The following PRKX variants were observed in gnomAD, a reference collection of about 807,000 sequenced individuals.
The protein encoded by PRKX is cAMP-dependent protein kinase catalytic subunit PRKX.
PRKX carries 12 observed loss-of-function variants against 22.0 expected under a neutral mutation model. The observed-to-expected ratio is 0.54, with a 90% CI of 0.35 to 0.88. PRKX has a LOEUF of 0.88. PRKX is among the 40% of genes least tolerant of loss of function. The pLI is 0.01. For synonymous variants in PRKX, 134 were observed against 137.7 expected (o/e 0.97, Z 0.19); for missense variants, 217 against 308.0 (o/e 0.70, Z 2.21).
At position 3,655,226 on chromosome X, in the gene PRKX, C is replaced by T; in HGVS notation, c.522G>A (p.Lys174=). 1 of 1,212,080 alleles carries T rather than the reference C, an allele frequency of 8.3e-7. No homozygotes were observed. Among genetic ancestry groups the T allele is most frequent in the Non-Finnish European group, 1.1e-6 (1 of 895,569 alleles). Residue 174 remains lysine (K), a synonymous_variant, in exon 3 of 9, where the codon AAG becomes AAA. Transcript: ENST00000262848. Reference sequence around the variant, plus strand: ...CCCTATCCAGCAGGATGTTCTCTGGCTTCAAGTCCCTGTAGACGATCTCTT... The same window carrying T: ...CCCTATCCAGCAGGATGTTCTCTGGTTTCAAGTCCCTGTAGACGATCTCTT... ...HSKEIVYRDL[K]PENILLDRDG... is the part of the protein sequence containing the mutation.
intron 8 of PRKX, among the ~76,000 whole-genome samples, chrX:3,610,652 C>T (rs1034455029): frequency 9.1e-6 from 1 of 110,095 alleles, no homozygotes; most frequent in Non-Finnish European, 1.9e-5. Flanking sequence ...AAAGTAGGGG[C>T]AGCTGGGGAC....
At chrX:3,694,019 C>A (rs1395108172) in intron 1 of PRKX, among the ~76,000 whole-genome samples, 1 of 108,847 alleles carries the variant, frequency 9.2e-6, no homozygotes, top group Admixed American at 1.0e-4. Flanking sequence ...ATAAGGCCAT[C>A]CTGGATTTAG....
rs1926205520 is a variant in PRKX, at chrX:3,607,647, T to C, written c.*1322A>G. ...GGTCACTGATGAAAAAGGGTGGCTA[T>C]GTTCTGTTTCTGTAATTTCACTGTT... On this transcript the variant is annotated 3_prime_UTR_variant, in exon 9 of 9. Coordinates refer to ENST00000262848, the MANE Select transcript of PRKX (RefSeq NM_005044.5). 9.0e-6 allele frequency: 1 copy of C among 110,926 alleles called. No individual in the cohort carries two copies. 9.1% of individuals were successfully genotyped at this position (110,926 alleles called of 1,213,427 possible). A position where few individuals can be genotyped will look rare whatever the true frequency, so the allele number is the denominator to read the frequency against.
At chrX:3,689,704 G>C in intron 1 of PRKX, among the ~76,000 whole-genome samples, 1 of 111,487 alleles carries the variant, frequency 9.0e-6, no homozygotes. Flanking sequence ...TGGGCTGGGC[G>C]CGGTGGCTCA....
intron 1 of PRKX, among the ~76,000 whole-genome samples, chrX:3,689,954 G>A (rs1002028573): frequency 1.8e-5 from 2 of 111,219 alleles, no homozygotes; most frequent in East Asian, 2.8e-4. Context: ...TCCAGCCTGC[G>A]TGACAGAGCA....
intron 8 of PRKX, among the ~76,000 whole-genome samples, chrX:3,610,179 G>A (rs937560568): frequency 9.8e-5 from 11 of 111,716 alleles, no homozygotes; most frequent in African/African-American, 3.6e-4. Context: ...TTACTAAGAC[G>A]GATTAAAATA....
intron 1 of PRKX, among the ~76,000 whole-genome samples, chrX:3,679,032 T>C (rs750795017): frequency 6.3e-5 from 7 of 111,923 alleles, no homozygotes; most frequent in Non-Finnish European, 1.1e-4. Flanking sequence ...AGTAGTGTTA[T>C]GCACGAGGGA....
chrX:3,711,122 T>C (rs1167228312), intron 1 of PRKX, among the ~76,000 whole-genome samples: 1 of 111,407 alleles, frequency 9.0e-6, no homozygotes, highest in African/African-American at 3.3e-5. Flanking sequence ...ACCAAAGCTG[T>C]GCAGTTGTCA....
chrX:3,638,295 A>G (rs1926937649), intron 4 of PRKX, among the ~76,000 whole-genome samples: 2 of 110,314 alleles, frequency 1.8e-5, no homozygotes, highest in East Asian at 2.8e-4. Context: ...TGTTTTAACT[A>G]TAGTCTAATA....
intron 2 of PRKX, among the ~76,000 whole-genome samples, chrX:3,658,154 C>A (rs951162289): frequency 1.1e-4 from 12 of 110,674 alleles, no homozygotes; most frequent in African/African-American, 4.0e-4. Flanking sequence ...CCACGCCCAG[C>A]TAATTTTTGT....
intron 1 of PRKX, among the ~76,000 whole-genome samples, chrX:3,691,856 G>GATTA (rs1480209445): frequency 9.1e-6 from 1 of 110,079 alleles, no homozygotes; most frequent in Non-Finnish European, 1.9e-5. Flanking sequence ...AAAGATGATT[G>GATTA]ATTGATTGAA....
intron 4 of PRKX, among the ~76,000 whole-genome samples, chrX:3,631,704 AGAG>A (rs1926785611): frequency 9.0e-6 from 1 of 111,245 alleles, no homozygotes; most frequent in Non-Finnish European, 1.9e-5. Flanking sequence ...AAGAGACTGA[AGAG>A]GAGACAGAGA....
chrX:3,650,382 G>A (rs764522718), intron 3 of PRKX, among the ~76,000 whole-genome samples: 133 of 106,810 alleles, frequency 1.2e-3, no homozygotes, highest in African/African-American at 3.9e-3. Context: ...TTAGCCGGGC[G>A]TGGTGGTGGG....
chrX:3,681,384 G>C (rs1163288721), intron 1 of PRKX, among the ~76,000 whole-genome samples: 1 of 110,487 alleles, frequency 9.1e-6, no homozygotes, highest in Admixed American at 9.7e-5. Flanking sequence ...GGGCACAGTA[G>C]CTCACACCTG....
chrX:3,693,109 A>G (rs1928367535), intron 1 of PRKX, among the ~76,000 whole-genome samples: 1 of 110,029 alleles, frequency 9.1e-6, no homozygotes, highest in African/African-American at 3.3e-5. Context: ...TTGGTCCCTC[A>G]TTTAGTTTTG....
At chrX:3,700,807 A>G (rs757167575) in intron 1 of PRKX, among the ~76,000 whole-genome samples, 5 of 110,575 alleles carry the variant, frequency 4.5e-5, no homozygotes, top group African/African-American at 1.3e-4. Context: ...TGCCGAGGCT[A>G]GAGGCTAGTC....
chrX:3,712,820 G>A (rs907308749), intron 1 of PRKX, among the ~76,000 whole-genome samples: 3 of 112,689 alleles, frequency 2.7e-5, no homozygotes, highest in African/African-American at 9.7e-5. Flanking sequence ...TGTGCTGGGG[G>A]TGGAGGGTGG....
chrX:3,689,796 T>C (rs1053608427), intron 1 of PRKX, among the ~76,000 whole-genome samples: 1 of 111,123 alleles, frequency 9.0e-6, no homozygotes. Flanking sequence ...GCTAACACGG[T>C]GAAACCCTGT....
intron 3 of PRKX, among the ~76,000 whole-genome samples, chrX:3,648,605 C>CGTGTGTGT (rs1569049318): frequency 8.0e-4 from 37 of 46,167 alleles, no homozygotes; most frequent in South Asian, 1.2e-3. Flanking sequence ...TCTCTCTACT[C>CGTGTGTGT]CTGTGTGTGT....
Sources: allele counts gnomAD v4.1 joint callset (sites outside exome capture counted in the v4.1 genomes callset), GRCh38; gene constraint gnomAD v4.1.1; transcripts MANE v1.5; gene names NCBI Gene and HGNC (gene_info 2026-07-23, HGNC 2026-07-21).